The following TTC17 variants were observed in gnomAD, a reference collection of about 807,000 sequenced individuals.
TTC17 encodes the protein tetratricopeptide repeat domain 17.
Under a neutral mutation model 143.8 loss-of-function variants are expected in TTC17, and 58 were observed. The ratio of observed to expected loss-of-function variants is 0.40; its 90% CI spans 0.33 to 0.50. The LOEUF is 0.50. Among genes scored for constraint, TTC17 ranks in the 20% least tolerant of loss-of-function variants. The probability of loss-of-function intolerance (pLI) is 0.49; values close to 1 mark genes in which losing one functional copy is unlikely to be tolerated. For synonymous variants in TTC17, 501 were observed against 497.8 expected, an observed-to-expected ratio of 1.01 and a Z score of -0.09; for missense variants, 1,273 against 1,392.5, an observed-to-expected ratio of 0.91 and a Z score of 1.37.
intron 22 of TTC17, 113 bp from the exon 23 acceptor site, chr11:43,491,907 C>T (rs1948480160): frequency 7.1e-7 from 1 of 1,411,968 alleles, no homozygotes; most frequent in Admixed American, 1.9e-5. Context: ...TTGAGTGGCA[C>T]TGTTCTAATC....
chr11:43,420,935 A>G (rs1946888364), intron 16 of TTC17, among the ~76,000 whole-genome samples: 1 of 152,202 alleles, frequency 6.6e-6, no homozygotes, highest in African/African-American at 2.4e-5. Flanking sequence ...TAAAGCAACA[A>G]TTTGTTTTCT....
chr11:43,373,160 A>G (rs1023645195), intron 1 of TTC17, among the ~76,000 whole-genome samples: 1 of 152,058 alleles, frequency 6.6e-6, no homozygotes, highest in Non-Finnish European at 1.5e-5. Flanking sequence ...TTTTTACAGT[A>G]AAATATATTT....
chr11:43,436,544 T>C lies in TTC17; in HGVS notation c.2252-6781T>C, dbSNP rs1313937098. 2.0e-5 allele frequency among the ~76,000 whole-genome samples: 3 copies of C among 152,220 alleles called. No homozygotes were observed. The East Asian group carries it at 5.8e-4, about 29-fold the overall frequency. ...CAGTGTCTTCTGTTGCTAGAACAAA[T>C]CTGATTTGTTTATGTATCAGTCTTC... On this transcript the variant is annotated intron_variant, in intron 16 of 23. Coordinates refer to ENST00000039989, the MANE Select transcript of TTC17 (RefSeq NM_018259.6).
At chr11:43,483,787 A>G (rs2134472801) in intron 21 of TTC17, among the ~76,000 whole-genome samples, 1 of 152,390 alleles carries the variant, frequency 6.6e-6, no homozygotes, top group South Asian at 2.1e-4. Flanking sequence ...AAAAGAATGC[A>G]GACTATCACC....
chr11:43,378,971 C>G (rs765052876), intron 1 of TTC17: 14 of 373,974 alleles, frequency 3.7e-5, no homozygotes, highest in Non-Finnish European at 5.3e-5. Context: ...TACTTCTTTA[C>G]TATTATATCA....
At chr11:43,450,487 C>T (rs1947637164) in intron 20 of TTC17, among the ~76,000 whole-genome samples, 1 of 152,118 alleles carries the variant, frequency 6.6e-6, no homozygotes, top group South Asian at 2.1e-4. Context: ...GGGGGTAGTT[C>T]TGCCTTGCCA....
At chr11:43,405,424 A>G (rs2077999021) in intron 11 of TTC17, 90 bp from the exon 12 acceptor site, 3 of 926,410 alleles carry the variant, frequency 3.2e-6, no homozygotes, top group Admixed American at 2.0e-5. Context: ...GTTTTGTTCA[A>G]TTATTGTAGT....
intron 1 of TTC17, among the ~76,000 whole-genome samples, chr11:43,362,282 G>A (rs1304731452): frequency 6.6e-6 from 1 of 152,084 alleles, no homozygotes; most frequent in African/African-American, 2.4e-5. Context: ...GCCTCTCAAA[G>A]TGCTGGGATT....
chr11:43,388,827 T>A (rs1857268036), intron 2 of TTC17, among the ~76,000 whole-genome samples: 1 of 150,700 alleles, frequency 6.6e-6, no homozygotes. Flanking sequence ...AAAAAAAAAA[T>A]TAGCCAGACA....
chr11:43,457,100 A>G (rs1308954641), intron 21 of TTC17, among the ~76,000 whole-genome samples: 2 of 152,102 alleles, frequency 1.3e-5, no homozygotes, highest in Admixed American at 1.3e-4. Flanking sequence ...CCTACCTACT[A>G]GACACCTGAG....
intron 16 of TTC17, among the ~76,000 whole-genome samples, chr11:43,438,834 A>G (rs759074867): frequency 3.3e-5 from 5 of 152,180 alleles, no homozygotes; most frequent in Non-Finnish European, 4.4e-5. Context: ...CCTTCTGTTA[A>G]TTGGCTTCTG....
At position 43,402,125 on chromosome 11, in the gene TTC17, ATTTC is replaced by A. The variant is rs1437084426; in HGVS notation, c.1332+570_1332+573del. On this transcript the variant is annotated intron_variant, in intron 10 of 23. Transcript: ENST00000039989. ...CTCAATAACTCCATGGATGCTTTCT[ATTTC>A]TTAAAGTACCATCTAAATATTTATA... Among the ~76,000 whole-genome samples, 7 of 152,164 alleles carry A rather than the reference ATTTC, an allele frequency of 4.6e-5. No homozygotes were observed. The East Asian group carries it at 1.3e-3, about 29-fold the overall frequency.
chr11:43,479,615 G>A (rs1462434787), intron 21 of TTC17, among the ~76,000 whole-genome samples: 1 of 152,130 alleles, frequency 6.6e-6, no homozygotes, highest in Non-Finnish European at 1.5e-5. Flanking sequence ...CAAAGGCAAA[G>A]GTATCTTAAA....
At chr11:43,460,609 T>A (rs1947847249) in intron 21 of TTC17, among the ~76,000 whole-genome samples, 1 of 152,236 alleles carries the variant, frequency 6.6e-6, no homozygotes, top group Non-Finnish European at 1.5e-5. Flanking sequence ...CAAAATTTAC[T>A]ACCTTAAAAC....
At chr11:43,372,607 C>T (rs1856611839) in intron 1 of TTC17, among the ~76,000 whole-genome samples, 1 of 152,070 alleles carries the variant, frequency 6.6e-6, no homozygotes, top group Admixed American at 6.6e-5. Context: ...TCTCCTGCCT[C>T]AGCCTCCCAA....
intron 19 of TTC17, chr11:43,448,659 A>G (rs1271787352): frequency 6.6e-6 from 1 of 152,586 alleles, no homozygotes; most frequent in African/African-American, 2.4e-5. Flanking sequence ...TCCAATCAAC[A>G]CAAAGATGTA....
chr11:43,443,881 C>G (rs1947479141), intron 17 of TTC17, among the ~76,000 whole-genome samples, 175 bp from the exon 18 acceptor site: 1 of 152,210 alleles, frequency 6.6e-6, no homozygotes, highest in African/African-American at 2.4e-5. Flanking sequence ...TTCTTCGAGA[C>G]TAGGTTATTT....
At chr11:43,397,235 ATCT>A (rs1371850831) in intron 6 of TTC17, 109 bp from the exon 7 acceptor site, 3 of 1,207,006 alleles carry the variant, frequency 2.5e-6, no homozygotes, top group Non-Finnish European at 3.4e-6. Flanking sequence ...CACTATGATT[ATCT>A]TATTTTCTCC....
At chr11:43,436,059 C>G (rs1590416120) in intron 16 of TTC17, 10 of 992,770 alleles carry the variant, frequency 1.0e-5, no homozygotes, top group Non-Finnish European at 1.3e-5. Flanking sequence ...GAAGAAAAAC[C>G]GGCATTGTCA....
Sources: allele counts gnomAD v4.1 joint callset (sites outside exome capture counted in the v4.1 genomes callset), GRCh38; gene constraint gnomAD v4.1.1; transcripts MANE v1.5; gene names NCBI Gene and HGNC (gene_info 2026-07-23, HGNC 2026-07-21).